Variants in RBFOX2 observed in about 807,000 individuals in gnomAD.
RBFOX2 encodes RNA binding protein fox-1 homolog 2.
Under a neutral mutation model 49.1 loss-of-function variants are expected in RBFOX2, and 10 were observed. That is an observed-to-expected ratio of 0.20 (90% confidence interval 0.13 to 0.35). The LOEUF (loss-of-function observed/expected upper bound fraction) is 0.35, where lower values mean the gene tolerates loss of function less well. RBFOX2 is among the 10% of genes least tolerant of loss of function. The probability of loss-of-function intolerance (pLI) is 1.00; values close to 1 mark genes in which losing one functional copy is unlikely to be tolerated. For synonymous variants in RBFOX2, 183 were observed against 187.4 expected, an observed-to-expected ratio of 0.98 and a Z score of 0.19; for missense variants, 323 against 486.9, an observed-to-expected ratio of 0.66 and a Z score of 3.17.
chr22:35,762,746 C>T (rs1036217492), intron 6 of RBFOX2, among the ~76,000 whole-genome samples: 41 of 152,000 alleles, frequency 2.7e-4, no homozygotes, highest in African/African-American at 9.9e-4. Flanking sequence ...CTCAGGTGAT[C>T]CACCCGCCTC....
intron 1 of RBFOX2, among the ~76,000 whole-genome samples, chr22:35,830,007 C>A (rs1034248893): frequency 1.3e-5 from 2 of 152,218 alleles, no homozygotes; most frequent in African/African-American, 4.8e-5. Context: ...TCCTCCCAAT[C>A]TTCTAGCCAT....
At chr22:35,987,745 T>A (rs750684215) in intron 1 of RBFOX2, among the ~76,000 whole-genome samples, 61 of 152,272 alleles carry the variant, frequency 4.0e-4, no homozygotes, top group Non-Finnish European at 7.5e-4. Flanking sequence ...ACATTCTATG[T>A]CACAGATCAG....
At chr22:35,892,206 T>C (rs1275473035) in intron 1 of RBFOX2, among the ~76,000 whole-genome samples, 2 of 152,188 alleles carry the variant, frequency 1.3e-5, no homozygotes, top group Non-Finnish European at 2.9e-5. Flanking sequence ...ATTTTCCCTA[T>C]ATGACAAATG....
chr22:35,885,001 G>A (rs1241052875), intron 1 of RBFOX2, among the ~76,000 whole-genome samples: 1 of 151,966 alleles, frequency 6.6e-6, no homozygotes, highest in South Asian at 2.1e-4. Flanking sequence ...TTTAACAATC[G>A]AAAATTTCTC....
At chr22:35,854,980 T>C (rs908220761) in intron 1 of RBFOX2, among the ~76,000 whole-genome samples, 2 of 152,200 alleles carry the variant, frequency 1.3e-5, no homozygotes, top group African/African-American at 4.8e-5. Context: ...TTCAGAATAA[T>C]GTAGCCTCAG....
chr22:35,943,747 T>C (rs1450777993), upstream of RBFOX2, among the ~76,000 whole-genome samples: 2 of 151,710 alleles, frequency 1.3e-5, no homozygotes, highest in Admixed American at 1.3e-4. Context: ...AAATACAAAA[T>C]ACAAAAAATT....
At chr22:35,833,005 T>C (rs1957069423) in intron 1 of RBFOX2, among the ~76,000 whole-genome samples, 1 of 152,204 alleles carries the variant, frequency 6.6e-6, no homozygotes, top group Admixed American at 6.5e-5. Flanking sequence ...TAATTACTGA[T>C]TTGATCATTA....
At position 35,746,056 on chromosome 22, in the gene RBFOX2, G is replaced by C. The variant is rs114681383; in HGVS notation, c.977-61C>G. ...AAGTGTATGATCTAAAAAAATTAAA[G>C]GGATTACTGTGCTTTAAGACTTGTG... On this transcript the variant is annotated intron_variant, in intron 10 of 11. Transcript: ENST00000405409. The C allele has an allele frequency of 1.7e-5, 24 of 1,421,538 alleles. No homozygotes were observed. The South Asian group carries it at 2.7e-4, about 16-fold the overall frequency. The allele number at this position is 1,421,538 out of a possible 1,614,324, so 88.1% of individuals were successfully genotyped here.
At chr22:35,967,270 A>C (rs146468091) in intron 1 of RBFOX2, among the ~76,000 whole-genome samples, 2 of 152,306 alleles carry the variant, frequency 1.3e-5, no homozygotes, top group Admixed American at 1.3e-4. Flanking sequence ...TTTCTTTTAG[A>C]AACTTTCATA....
At chr22:35,782,744 A>C (rs1945457661) in intron 2 of RBFOX2, among the ~76,000 whole-genome samples, 2 of 152,216 alleles carry the variant, frequency 1.3e-5, no homozygotes, top group African/African-American at 4.8e-5. Flanking sequence ...AGAGAATCTA[A>C]CTGTTGGAAA....
chr22:35,973,007 CT>C (rs920209769), intron 1 of RBFOX2, among the ~76,000 whole-genome samples: 28 of 152,224 alleles, frequency 1.8e-4, no homozygotes, highest in African/African-American at 6.7e-4. Context: ...TTTAATTGAT[CT>C]CAATAAATAT....
chr22:35,951,107 C>T (rs1449407888), intron 1 of RBFOX2, among the ~76,000 whole-genome samples: 1 of 151,658 alleles, frequency 6.6e-6, no homozygotes, highest in African/African-American at 2.4e-5. Flanking sequence ...GCGCGTGCCA[C>T]CACGCCCAGC....
At chr22:35,953,028 G>A (rs1603457256) in intron 1 of RBFOX2, among the ~76,000 whole-genome samples, 1 of 151,748 alleles carries the variant, frequency 6.6e-6, no homozygotes, top group African/African-American at 2.4e-5. Context: ...TGGCTAACAC[G>A]GTGAAATCCC....
intron 1 of RBFOX2, among the ~76,000 whole-genome samples, chr22:35,882,988 G>A (rs2046115446): frequency 6.6e-6 from 1 of 152,118 alleles, no homozygotes; most frequent in Non-Finnish European, 1.5e-5. Context: ...AGGAAATTGG[G>A]GGGCACAAAA....
At chr22:35,881,612 TA>T (rs1212646856) in intron 1 of RBFOX2, among the ~76,000 whole-genome samples, 1 of 149,540 alleles carries the variant, frequency 6.7e-6, no homozygotes, top group Non-Finnish European at 1.5e-5. Flanking sequence ...AATTTTTTTT[TA>T]ATGTCTAATG....
chr22:35,954,304 A>C lies in RBFOX2; in HGVS notation c.42+7259T>G, dbSNP rs2055301626. On this transcript the variant is annotated intron_variant, in intron 1 of 5. Transcript: ENST00000408983. ...GGAAGCTGTGAAGATTAAACGAAAC[A>C]ATATACATAAAGCTCTTAACACAGA... 2.0e-5 allele frequency among the ~76,000 whole-genome samples: 3 copies of C among 152,236 alleles called. No homozygotes were observed. The South Asian group carries it at 6.2e-4, about 31-fold the overall frequency.
chr22:35,923,716 C>T (rs2051288599), intron 1 of RBFOX2, among the ~76,000 whole-genome samples: 2 of 152,048 alleles, frequency 1.3e-5, no homozygotes, highest in African/African-American at 2.4e-5. Context: ...ACCCTTCCCC[C>T]CCACCCAAAT....
intron 1 of RBFOX2, among the ~76,000 whole-genome samples, chr22:35,937,701 C>T (rs2053253784): frequency 6.6e-6 from 1 of 152,170 alleles, no homozygotes; most frequent in Non-Finnish European, 1.5e-5. Flanking sequence ...AGCAATTCTC[C>T]TGCCTCAGCC....
At chr22:35,779,588 G>C (rs1602606157) in intron 3 of RBFOX2, among the ~76,000 whole-genome samples, 1 of 149,860 alleles carries the variant, frequency 6.7e-6, no homozygotes, top group African/African-American at 2.4e-5. Flanking sequence ...GTGCTTTGGA[G>C]TTTGTTTTGT....
Sources: allele counts gnomAD v4.1 joint callset (sites outside exome capture counted in the v4.1 genomes callset), GRCh38; gene constraint gnomAD v4.1.1; transcripts MANE v1.5; gene names NCBI Gene and HGNC (gene_info 2026-07-23, HGNC 2026-07-21).